The following THSD7A variants were observed in gnomAD, a reference collection of about 807,000 sequenced individuals.
THSD7A encodes thrombospondin type 1 domain containing 7A.
A neutral mutation model predicts 231.3 loss-of-function variants in THSD7A; 96 were observed. That is an observed-to-expected ratio of 0.41 (90% confidence interval 0.35 to 0.49). The LOEUF (loss-of-function observed/expected upper bound fraction) is 0.49. Ranked by LOEUF, THSD7A falls within the 20% of genes least tolerant of loss-of-function variation. The pLI is 0.05. For missense variants in THSD7A, 2,290 were observed against 2,070.2 expected, an observed-to-expected ratio of 1.11 and a Z score of -2.06; for synonymous variants, 940 against 743.3, an observed-to-expected ratio of 1.26 and a Z score of -4.30.
intron 4 of THSD7A, among the ~76,000 whole-genome samples, chr7:11,553,851 A>T (rs1789731668): frequency 6.6e-6 from 1 of 152,120 alleles, no homozygotes; most frequent in South Asian, 2.1e-4. Context: ...AAATGGAAAA[A>T]AATAAAAATA....
At chr7:11,638,275 T>G (rs1781947815) in intron 1 of THSD7A, among the ~76,000 whole-genome samples, 1 of 152,202 alleles carries the variant, frequency 6.6e-6, no homozygotes, top group Non-Finnish European at 1.5e-5. Flanking sequence ...GGAAAGTGAT[T>G]TGCTGAGTTC....
intron 1 of THSD7A, chr7:11,820,633 G>A (rs975159362): frequency 1.9e-5 from 14 of 753,844 alleles, no homozygotes; most frequent in Non-Finnish European, 2.6e-5. Flanking sequence ...AAGTTTCCTC[G>A]AGCGCTCTGC....
rs543453102 is a variant in THSD7A at position 11,831,156 on chromosome 7, T to A, written c.190+601A>T. On this transcript the variant is annotated intron_variant, in intron 1 of 27. Transcript: ENST00000423059. The surrounding 1 kb of genome is among the most constrained non-coding windows in gnomAD (Gnocchi z 5.0). The stretch of plus-strand genomic sequence containing the variant: ...CAATTCTCAAGGAAGGAAGAGAAAG[T>A]TTGAACCCAGACATCCTAAAAGTTG... Among the ~76,000 whole-genome samples the A allele has an allele frequency of 1.3e-5, 2 of 152,286 alleles. No individual in the cohort carries two copies. Among genetic ancestry groups the A allele is most frequent in the East Asian group, 3.9e-4 (2 of 5,170 alleles).
At chr7:11,746,536 A>G (rs1233405487) in intron 1 of THSD7A, among the ~76,000 whole-genome samples, 1 of 151,868 alleles carries the variant, frequency 6.6e-6, no homozygotes, top group Non-Finnish European at 1.5e-5. Flanking sequence ...TACTGGTCAC[A>G]TATTTCATAG....
At chr7:11,607,628 TATTTATTC>T (rs1281108832) in intron 2 of THSD7A, among the ~76,000 whole-genome samples, 1 of 152,130 alleles carries the variant, frequency 6.6e-6, no homozygotes, top group Non-Finnish European at 1.5e-5. Flanking sequence ...ATTATTTATT[TATTTATTC>T]ATTTATCAAT....
At chr7:11,391,093 A>C (rs544923530) in intron 23 of THSD7A, among the ~76,000 whole-genome samples, 1 of 152,202 alleles carries the variant, frequency 6.6e-6, no homozygotes, top group Non-Finnish European at 1.5e-5. Flanking sequence ...TTGAGGAGTC[A>C]GTCTGTTCCT....
At chr7:11,426,806 AATATT>A (rs2115420546) in intron 14 of THSD7A, 135 bp from the exon 15 acceptor site, 6 of 846,450 alleles carry the variant, frequency 7.1e-6, no homozygotes, top group Non-Finnish European at 1.7e-6. Context: ...TTTTTGGTAA[AATATT>A]AGAACATTTT....
intron 1 of THSD7A, among the ~76,000 whole-genome samples, chr7:11,671,941 C>T (rs1562462665): frequency 6.6e-6 from 1 of 152,046 alleles, no homozygotes; most frequent in Non-Finnish European, 1.5e-5. Flanking sequence ...ACATTTATTT[C>T]CTTCTCTTTT....
At chr7:11,672,065 A>C (rs1783417061) in intron 1 of THSD7A, among the ~76,000 whole-genome samples, 2 of 152,168 alleles carry the variant, frequency 1.3e-5, no homozygotes, top group South Asian at 4.1e-4. Context: ...AACTTTTATA[A>C]ACTTAACTCT....
intron 4 of THSD7A, among the ~76,000 whole-genome samples, chr7:11,566,859 T>A (rs1790351023): frequency 6.6e-6 from 1 of 151,616 alleles, no homozygotes; most frequent in African/African-American, 2.4e-5. Context: ...AAATCTCAAA[T>A]CTTGCTAGGA....
intron 23 of THSD7A, among the ~76,000 whole-genome samples, chr7:11,397,052 G>T (rs1783213863): frequency 6.6e-6 from 1 of 152,182 alleles, no homozygotes. Flanking sequence ...CTCAATAGAT[G>T]CAGAAGAGGC....
chr7:11,775,883 C>T (rs574619013), intron 1 of THSD7A, among the ~76,000 whole-genome samples: 16 of 152,140 alleles, frequency 1.1e-4, no homozygotes, highest in East Asian at 5.8e-4. Flanking sequence ...AGAAATCAAA[C>T]TAAATATTCC....
chr7:11,669,207 G>A (rs1302815295), intron 1 of THSD7A, among the ~76,000 whole-genome samples: 5 of 152,178 alleles, frequency 3.3e-5, no homozygotes, highest in Middle Eastern at 3.4e-3. Context: ...TAATATCACA[G>A]AAAACTTACC....
chr7:11,821,831 C>CT (rs939920076), intron 1 of THSD7A, among the ~76,000 whole-genome samples: 5 of 152,114 alleles, frequency 3.3e-5, no homozygotes, highest in Non-Finnish European at 7.4e-5. Context: ...CATAGCATAA[C>CT]TTTGATATAA....
At chr7:11,436,351 A>C (rs549589622) in intron 13 of THSD7A, among the ~76,000 whole-genome samples, 3 of 152,246 alleles carry the variant, frequency 2.0e-5, no homozygotes, top group African/African-American at 7.2e-5. Flanking sequence ...AAGTATTTGC[A>C]AAGGATGATC....
intron 1 of THSD7A, among the ~76,000 whole-genome samples, chr7:11,753,154 C>T (rs1389793011): frequency 1.3e-5 from 2 of 152,078 alleles, no homozygotes; most frequent in African/African-American, 4.8e-5. Context: ...ATCACTGCAT[C>T]TTCAATTACA....
intron 2 of THSD7A, 26 bp from the exon 3 acceptor site, chr7:11,593,528 T>A (rs1250174225): frequency 1.9e-6 from 3 of 1,607,870 alleles, no homozygotes; most frequent in Non-Finnish European, 2.6e-6. Context: ...GATATTCTCA[T>A]TACAGACTCA....
At chr7:11,567,273 A>C (rs952906358) in intron 4 of THSD7A, among the ~76,000 whole-genome samples, 2 of 152,250 alleles carry the variant, frequency 1.3e-5, no homozygotes, top group Admixed American at 6.5e-5. Context: ...TTCCCCCTCA[A>C]GGCAGCAGAA....
rs1466551759 is a variant in THSD7A, at chr7:11,375,558, A to C, written c.*236T>G. 5.7e-6 allele frequency: 2 copies of C among 352,254 alleles called. No individual in the cohort carries two copies. The highest frequency in any genetic ancestry group is 5.1e-6 in the Non-Finnish European group (1 of 197,178). 21.8% of individuals were successfully genotyped at this position (352,254 alleles called of 1,614,324 possible). ...GAAAAGATGACATAAAACTTTCAGAATGCAGCATGTATTCAGCTAAATCTC... is the reference window on the plus strand; with the variant it reads ...GAAAAGATGACATAAAACTTTCAGACTGCAGCATGTATTCAGCTAAATCTC... On this transcript the variant is annotated 3_prime_UTR_variant, in exon 28 of 28. Transcript: ENST00000423059.
Sources: allele counts gnomAD v4.1 joint callset (sites outside exome capture counted in the v4.1 genomes callset), GRCh38; gene constraint gnomAD v4.1.1; non-coding constraint Gnocchi (gnomAD v3.1); transcripts MANE v1.5; gene names NCBI Gene and HGNC (gene_info 2026-07-23, HGNC 2026-07-21).